TMEM26: variants seen among roughly 807,000 people sequenced by gnomAD.
TMEM26 encodes transmembrane protein 26.
A neutral mutation model predicts 28.8 loss-of-function variants in TMEM26; 38 were observed. The ratio of observed to expected loss-of-function variants is 1.32; its 90% confidence interval spans 1.02 to 1.73. The LOEUF (loss-of-function observed/expected upper bound fraction) is 1.73. TMEM26 is among the 40% of genes most tolerant of loss of function. The pLI, the probability that TMEM26 is intolerant of heterozygous loss-of-function variation, is 0.00. For missense variants in TMEM26, 518 were observed against 447.1 expected (o/e 1.16, Z -1.43); for synonymous variants, 227 against 182.9 (o/e 1.24, Z -1.95).
At position 61,453,222 on chromosome 10, in the gene TMEM26, C is replaced by G; in HGVS notation, c.-141G>C. ...TGTGGTCCCTTCTCACCCTCAGCGC[C>G]CGATGCCGGTAGAACTGGTGCGCGG... is the stretch of plus-strand genomic sequence containing the variant. On this transcript the variant is annotated 5_prime_UTR_variant, in exon 1 of 6. Transcript: ENST00000399298. 2 of 841,902 alleles carry G rather than the reference C, an allele frequency of 2.4e-6. No homozygotes were observed. The highest frequency in any genetic ancestry group is 1.7e-5 in the South Asian group (1 of 57,636). The allele number at this position is 841,902 out of a possible 1,614,324, so 52.2% of individuals were successfully genotyped here. A position where few individuals can be genotyped will look rare whatever the true frequency, so the allele number is the denominator to read the frequency against.
At chr10:61,420,304 A>G (rs1839722532) in intron 4 of TMEM26, among the ~76,000 whole-genome samples, 1 of 152,112 alleles carries the variant, frequency 6.6e-6, no homozygotes, top group Non-Finnish European at 1.5e-5. Context: ...TGAGAACGAG[A>G]AAGAACAGGA....
intron 1 of TMEM26, among the ~76,000 whole-genome samples, chr10:61,445,735 G>T (rs990808089): frequency 6.6e-6 from 1 of 151,730 alleles, no homozygotes; most frequent in African/African-American, 2.4e-5. Context: ...ATATACCAAA[G>T]GCCTTTTTGT....
At chr10:61,431,358 T>A in intron 2 of TMEM26, 26 bp from the exon 3 acceptor site, 1 of 1,573,708 alleles carries the variant, frequency 6.4e-7, no homozygotes, top group Non-Finnish European at 8.7e-7. Flanking sequence ...GGGAAGGCAA[T>A]TATGGCAAAA....
At chr10:61,417,225 T>A (rs1433914876) in intron 4 of TMEM26, among the ~76,000 whole-genome samples, 2 of 151,972 alleles carry the variant, frequency 1.3e-5, no homozygotes, top group Non-Finnish European at 2.9e-5. Flanking sequence ...AAGCAGACAA[T>A]GACTTGCTTC....
At position 61,453,140 on chromosome 10, in the gene TMEM26, G is replaced by A. The variant is rs1840322307; in HGVS notation, c.-59C>T. 6.4e-7 allele frequency: 1 copy of A among 1,559,382 alleles called. No homozygotes were observed. The highest frequency in any genetic ancestry group is 1.1e-5 in the South Asian group (1 of 87,868). On this transcript the variant is annotated 5_prime_UTR_variant, in exon 1 of 6. The change creates a new upstream start codon in the 5' untranslated region. Transcript: ENST00000399298. ...CTGCGCCCCCAGGACCCTGCCGGGC[G>A]TGCCCGGAGCCCACCGGTGAGCAGG...
chr10:61,434,101 C>T (rs1431194743), intron 2 of TMEM26, among the ~76,000 whole-genome samples: 6 of 152,106 alleles, frequency 3.9e-5, no homozygotes, highest in African/African-American at 1.4e-4. Context: ...CTGTAACTCC[C>T]TTTATTCTGC....
Position 61,441,083 on chromosome 10 carries a change from G to GT in TMEM26, c.192-4836dup, listed in dbSNP as rs375221072. ...GTGTCACATTGTTGTATTTTATTGT[G>GT]TTTTTTTTCCCAAATATTTTTGATC... On this transcript the variant is annotated intron_variant, in intron 1 of 5. Transcript: ENST00000399298. Among the ~76,000 whole-genome samples, 7 of 151,832 alleles carry GT rather than the reference G, an allele frequency of 4.6e-5. No homozygotes were observed. In the East Asian group the frequency reaches 5.8e-4, roughly 13 times the overall value.
rs1338755084 is a variant in TMEM26 at position 61,407,223 on chromosome 10, T to A, written c.*3099A>T. 1 of 152,190 alleles carries A rather than the reference T, an allele frequency of 6.6e-6. No homozygotes were observed. The highest frequency in any genetic ancestry group is 1.5e-5 in the Non-Finnish European group (1 of 68,020). The allele number at this position is 152,190 out of a possible 1,614,324, so 9.4% of individuals were successfully genotyped here. The stretch of plus-strand genomic sequence containing the variant: ...ATCTTAAAGCATGTGCACCTACAAA[T>A]GCATGCCTTTCCAGAGCTTTGGAAA... On this transcript the variant is annotated 3_prime_UTR_variant, in exon 6 of 6. Transcript: ENST00000399298.
rs1193852591 is a variant in TMEM26 at position 61,409,535 on chromosome 10, G to T, written c.*787C>A. 2 of 152,312 alleles carry T rather than the reference G, an allele frequency of 1.3e-5. No individual in the cohort carries two copies. Among genetic ancestry groups the T allele is most frequent in the Admixed American group, 1.3e-4 (2 of 15,296 alleles). 9.4% of individuals were successfully genotyped at this position (152,312 alleles called of 1,614,324 possible). A position where few individuals can be genotyped will look rare whatever the true frequency, so the allele number is the denominator to read the frequency against. ...ACTTGGCAATATAGAAAATGGTAAA[G>T]CAGGGTTCAGAAAAATACTGATGAA... On this transcript the variant is annotated 3_prime_UTR_variant, in exon 6 of 6. Coordinates refer to ENST00000399298, the MANE Select transcript of TMEM26 (RefSeq NM_178505.8).
chr10:61,434,883 A>G (rs1302002613), intron 2 of TMEM26, among the ~76,000 whole-genome samples: 1 of 152,208 alleles, frequency 6.6e-6, no homozygotes, highest in Non-Finnish European at 1.5e-5. Context: ...ATGACCAACT[A>G]TAACAAAGAA....
chr10:61,436,279 G>T, intron 1 of TMEM26, 31 bp from the exon 2 acceptor site: 1 of 1,368,750 alleles, frequency 7.3e-7, no homozygotes, highest in Non-Finnish European at 1.0e-6. Flanking sequence ...AAATAGTTTA[G>T]CTAATTTAAG....
intron 2 of TMEM26, among the ~76,000 whole-genome samples, chr10:61,433,683 T>C (rs1260077532): frequency 6.6e-6 from 1 of 152,118 alleles, no homozygotes; most frequent in Non-Finnish European, 1.5e-5. Context: ...GTTTTCCTAA[T>C]GCCAAGTCAT....
chr10:61,410,357 G>A lies in TMEM26; in HGVS notation c.1072C>T (p.Pro358Ser). 1 of 1,613,784 alleles carries A rather than the reference G, an allele frequency of 6.2e-7. No individual in the cohort carries two copies. Among genetic ancestry groups the A allele is most frequent in the Non-Finnish European group, 8.5e-7 (1 of 1,179,812 alleles). ...EGLAIPLRGS[P>S]VTSDDSHHTP ...TGGTGGGAGTCGTCGGAGGTGACTG[G>A]GGAGCCCCGCAAAGGAATAGCCAGG... Residue 358 changes from proline to serine, a missense_variant, in exon 6 of 6, where the codon CCA becomes TCA. Transcript: ENST00000399298.
Position 61,436,231 on chromosome 10 carries a change from A to C in TMEM26, c.209T>G (p.Phe70Cys), listed in dbSNP as rs1322980858. 6.2e-7 allele frequency: 1 copy of C among 1,605,136 alleles called. No individual in the cohort carries two copies. Among genetic ancestry groups the C allele is most frequent in the Non-Finnish European group, 8.5e-7 (1 of 1,175,448 alleles). The change falls in exon 2 of 6, where the codon TTT becomes TGT. Residue 70 changes from phenylalanine (F) to cysteine (C), a missense_variant. Physicochemically the swap from Phe to Cys is radical, Grantham distance 205. Transcript: ENST00000399298. The part of the protein sequence containing the change: ...RGYKWFSPAI[F>C]LYLISIVPSL... ...TGGAACGATGCTAATCAGATATAAA[A>C]ATATGGCTGGTGAAAACCTGTGAAA...
At chr10:61,412,082 A>G (rs954894969) in intron 5 of TMEM26, among the ~76,000 whole-genome samples, 4 of 152,218 alleles carry the variant, frequency 2.6e-5, no homozygotes, top group African/African-American at 9.6e-5. Flanking sequence ...CCAAGGTTAT[A>G]TCAATGGTAG....
chr10:61,450,990 G>A (rs920861067), intron 1 of TMEM26, among the ~76,000 whole-genome samples: 6 of 152,138 alleles, frequency 3.9e-5, no homozygotes, highest in African/African-American at 1.4e-4. Context: ...CACCTATGAG[G>A]TAAGTATTCA....
rs1333562364 is a variant in TMEM26 at position 61,409,589 on chromosome 10, T to G, written c.*733A>C. 6.6e-6 allele frequency: 1 copy of G among 152,216 alleles called. No homozygotes were observed. Among genetic ancestry groups the G allele is most frequent in the African/African-American group, 2.4e-5 (1 of 41,444 alleles). 9.4% of individuals were successfully genotyped at this position (152,216 alleles called of 1,614,324 possible). A position where few individuals can be genotyped will look rare whatever the true frequency, so the allele number is the denominator to read the frequency against. On this transcript the variant is annotated 3_prime_UTR_variant, in exon 6 of 6. Coordinates refer to ENST00000399298, the MANE Select transcript of TMEM26 (RefSeq NM_178505.8). Reference sequence around the variant, plus strand: ...TGCAAATCATGTTCAGAGTAGAAATTGTGACTTTGCTAGCATTTCACCAAT... The same window carrying G: ...TGCAAATCATGTTCAGAGTAGAAATGGTGACTTTGCTAGCATTTCACCAAT...
At chr10:61,410,987 G>A (rs1186052629) in intron 5 of TMEM26, among the ~76,000 whole-genome samples, 1 of 152,114 alleles carries the variant, frequency 6.6e-6, no homozygotes, top group African/African-American at 2.4e-5. Context: ...TCTCACCCTG[G>A]GCAAAGCACA....
At chr10:61,413,962 A>G in intron 4 of TMEM26, 6 of 986,950 alleles carry the variant, frequency 6.1e-6, no homozygotes, top group South Asian at 4.7e-5. Flanking sequence ...AAAGAGCTAA[A>G]TGATGATCAA....
Sources: gnomAD v4.1 joint callset for allele counts (sites outside exome capture counted in the v4.1 genomes callset) on GRCh38, gnomAD v4.1.1 for gene constraint, MANE v1.5 for transcripts, NCBI Gene and HGNC (gene_info 2026-07-23, HGNC 2026-07-21) for gene names.